Variants in OR1J2 observed in about 807,000 individuals in gnomAD.
OR1J2 encodes the protein olfactory receptor 1J2.
For missense variants in OR1J2, 304 were observed against 246.1 expected (o/e 1.24, Z -1.57); for synonymous variants, 142 against 99.7 (o/e 1.42, Z -2.52).
chr9:122,516,365 G>A (rs1416641757), downstream of OR1J2, among the ~76,000 whole-genome samples: 3 of 147,182 alleles, frequency 2.0e-5, no homozygotes, highest in African/African-American at 7.6e-5. Context: ...GTGCAGTGGC[G>A]GGATCTCGGC....
chr9:122,507,427 C>T (rs142095695), upstream of OR1J2, among the ~76,000 whole-genome samples: 88 of 152,290 alleles, frequency 5.8e-4, no homozygotes, highest in East Asian at 0.016. Flanking sequence ...ACTTGGCTGC[C>T]TTATAAATTA....
the OR1J2 span, among the ~76,000 whole-genome samples, chr9:122,456,763 A>G: frequency 1.3e-5 from 2 of 152,192 alleles, no homozygotes; most frequent in Non-Finnish European, 2.9e-5. Context: ...AACACTTTAC[A>G]TTGTTGCTGG....
At chr9:122,522,508 A>G in the OR1J2 span, among the ~76,000 whole-genome samples, 2 of 152,266 alleles carry the variant, frequency 1.3e-5, no homozygotes, top group African/African-American at 2.4e-5. Context: ...AATTAAGTTC[A>G]CTTAGCTTTT....
the OR1J2 span, among the ~76,000 whole-genome samples, chr9:122,454,165 G>T: frequency 6.6e-6 from 1 of 151,990 alleles, no homozygotes; most frequent in Admixed American, 6.6e-5. Context: ...GCTATGATCA[G>T]CACCACATAT....
At chr9:122,526,495 C>T in the OR1J2 span, 1 of 1,584,562 alleles carries the variant, frequency 6.3e-7, no homozygotes, top group Non-Finnish European at 8.6e-7. Flanking sequence ...ATGTCCTTCT[C>T]TTCAGAGGCA....
the OR1J2 span, among the ~76,000 whole-genome samples, chr9:122,483,996 A>G: frequency 6.6e-6 from 1 of 152,162 alleles, no homozygotes; most frequent in African/African-American, 2.4e-5. Context: ...TGGTGAATGC[A>G]CTGTATATAT....
In OR1J2 at chr9:122,511,368, CT is replaced by C; in HGVS notation, c.568del (p.Ser190GlnfsTer13). ...DLAALLKLSC[S>X]DIFLNELVMF... ...TTGCTGCCCTGCTCAAGCTGTCCTG[CT>C]CAGATATCTTCCTCAATGAGCTGGT... On this transcript the variant is annotated frameshift_variant, in exon 1 of 1. Transcript: ENST00000335302. LOFTEE classifies it low-confidence loss of function (END_TRUNC). 1.3e-6 allele frequency: 1 copy of C among 743,132 alleles called. No homozygotes were observed. The highest frequency in any genetic ancestry group is 1.5e-5 in the South Asian group (1 of 66,296). The allele number at this position is 743,132 out of a possible 1,614,324, so 46.0% of individuals were successfully genotyped here.
At chr9:122,567,920 C>G in the OR1J2 span, 1 of 1,613,934 alleles carries the variant, frequency 6.2e-7, no homozygotes, top group African/African-American at 1.3e-5. Context: ...AGGACAATTT[C>G]AGCACAGGGC....
At chr9:122,555,822 C>G in the OR1J2 span, among the ~76,000 whole-genome samples, 1 of 152,200 alleles carries the variant, frequency 6.6e-6, no homozygotes, top group Non-Finnish European at 1.5e-5. Flanking sequence ...ATCTCCCGAA[C>G]TAATCCTCAC....
chr9:122,568,339 T>C, the OR1J2 span: 1 of 1,614,024 alleles, frequency 6.2e-7, no homozygotes, highest in South Asian at 1.1e-5. Flanking sequence ...ATGGCCAGGA[T>C]GATGAGCAGG....
chr9:122,553,778 G>A, the OR1J2 span: 1 of 1,613,980 alleles, frequency 6.2e-7, no homozygotes. Flanking sequence ...CTCTCCTGAA[G>A]CTTGCCTGCT....
the OR1J2 span, among the ~76,000 whole-genome samples, chr9:122,529,410 A>G: frequency 3.6e-3 from 551 of 152,352 alleles, 3 homozygotes; most frequent in African/African-American, 0.013. Context: ...GAAGAGCAGC[A>G]TCTTTTTGAT....
At chr9:122,561,202 A>G in the OR1J2 span, among the ~76,000 whole-genome samples, 126 of 152,084 alleles carry the variant, frequency 8.3e-4, no homozygotes, top group Middle Eastern at 3.4e-3. Context: ...CCATTCCATC[A>G]TTTATGTTCC....
At chr9:122,556,545 A>G in the OR1J2 span, among the ~76,000 whole-genome samples, 2 of 152,114 alleles carry the variant, frequency 1.3e-5, no homozygotes, top group African/African-American at 4.8e-5. Context: ...GAGGGAGAGC[A>G]TTAGGACAAA....
At chr9:122,491,720 A>G in the OR1J2 span, among the ~76,000 whole-genome samples, 1 of 152,210 alleles carries the variant, frequency 6.6e-6, no homozygotes, top group Non-Finnish European at 1.5e-5. Flanking sequence ...TGCATTGAAT[A>G]ATAAACAGGA....
chr9:122,548,679 G>C, the OR1J2 span, among the ~76,000 whole-genome samples: 1 of 150,948 alleles, frequency 6.6e-6, no homozygotes, highest in Non-Finnish European at 1.5e-5. Flanking sequence ...GTCCCATGTT[G>C]GTGTGCTGCA....
the OR1J2 span, among the ~76,000 whole-genome samples, chr9:122,452,976 C>G: frequency 3.4e-5 from 5 of 147,022 alleles, no homozygotes; most frequent in African/African-American, 1.3e-4. Context: ...TGCAGTGAGC[C>G]GAGATCACGC....
Position 122,511,431 on chromosome 9 carries a change from A to G in OR1J2, c.630A>G (p.Pro210=), listed in dbSNP as rs1828634466. 1.3e-6 allele frequency: 1 copy of G among 775,616 alleles called. No homozygotes were observed. The highest frequency in any genetic ancestry group is 2.4e-6 in the Non-Finnish European group (1 of 415,650). The allele number at this position is 775,616 out of a possible 1,614,324, so 48.0% of individuals were successfully genotyped here. The part of the protein sequence containing the change: ...FTVGVVVITL[P]FMCILVSYGY... The stretch of plus-strand genomic sequence containing the variant: ...TAGGGGTGGTGGTCATTACCCTGCC[A>G]TTCATGTGTATCCTGGTATCATATG... The change falls in exon 1 of 1, where the codon CCA becomes CCG. Residue 210 remains proline, a synonymous_variant. Coordinates refer to ENST00000335302, the MANE Select transcript of OR1J2 (RefSeq NM_054107.1).
At chr9:122,496,528 A>G in the OR1J2 span, among the ~76,000 whole-genome samples, 8 of 152,182 alleles carry the variant, frequency 5.3e-5, no homozygotes, top group Admixed American at 5.2e-4. Context: ...CAGTTAATTT[A>G]GAACATTTAT....
Sources: allele counts gnomAD v4.1 joint callset (sites outside exome capture counted in the v4.1 genomes callset), GRCh38; gene constraint gnomAD v4.1.1; transcripts MANE v1.5; gene names NCBI Gene and HGNC (gene_info 2026-07-23, HGNC 2026-07-21).